The following DYRK4 variants were observed in gnomAD, a reference collection of about 807,000 sequenced individuals.
DYRK4 encodes the protein dual specificity tyrosine-phosphorylation-regulated kinase 4.
A neutral mutation model predicts 68.3 loss-of-function variants in DYRK4; 64 were observed. The ratio of observed to expected loss-of-function variants is 0.94; its 90% confidence interval spans 0.77 to 1.15. The LOEUF is 1.15. Among genes scored for constraint, DYRK4 ranks in the 50% most tolerant of loss-of-function variants. DYRK4 has a pLI of 0.00. For synonymous variants in DYRK4, 274 were observed against 289.9 expected (o/e 0.95, Z 0.56); for missense variants, 740 against 764.7 (o/e 0.97, Z 0.38).
chr12:4,565,808 T>C (rs1038177700), intron 1 of DYRK4, among the ~76,000 whole-genome samples: 4 of 151,982 alleles, frequency 2.6e-5, no homozygotes, highest in Non-Finnish European at 5.9e-5. Flanking sequence ...TTTGTATTTT[T>C]AGTAGAGATG....
At chr12:4,572,591 G>A (rs754733016) in intron 2 of DYRK4, among the ~76,000 whole-genome samples, 3 of 152,174 alleles carry the variant, frequency 2.0e-5, no homozygotes, top group Non-Finnish European at 4.4e-5. Flanking sequence ...CACCGTGCCT[G>A]GCCTATGGAC....
chr12:4,565,936 A>G (rs988706934), intron 1 of DYRK4, among the ~76,000 whole-genome samples: 30 of 152,158 alleles, frequency 2.0e-4, no homozygotes, highest in African/African-American at 6.8e-4. Flanking sequence ...TCCCACATGT[A>G]CTTTCATAGT....
chr12:4,602,070 C>T lies in DYRK4; in HGVS notation c.1126+2282C>T, dbSNP rs549828325. On this transcript the variant is annotated intron_variant, in intron 10 of 14. Coordinates refer to ENST00000543431, the MANE Select transcript of DYRK4 (RefSeq NM_001394779.1). ...AAAGTTATCTGCATGTTGCATCTTTCTCAAGGGTAGTTCTTGAACCACTTT... is the reference window on the plus strand; with the variant it reads ...AAAGTTATCTGCATGTTGCATCTTTTTCAAGGGTAGTTCTTGAACCACTTT... The T allele has an allele frequency of 4.2e-4, 175 of 415,400 alleles. 2 individuals are homozygous for T. In the Admixed American group the frequency reaches 7.1e-3, roughly 17 times the overall value. 25.7% of individuals were successfully genotyped at this position (415,400 alleles called of 1,614,324 possible).
At position 4,613,004 on chromosome 12, in the gene DYRK4, G is replaced by T; in HGVS notation, c.1666+286G>T. The T allele has an allele frequency of 2.8e-6, 1 of 361,908 alleles. No homozygotes were observed. The highest frequency in any genetic ancestry group is 3.3e-5 in the South Asian group (1 of 30,704). 22.4% of individuals were successfully genotyped at this position (361,908 alleles called of 1,614,324 possible). On this transcript the variant is annotated intron_variant, in intron 14 of 14. Coordinates refer to ENST00000543431, the MANE Select transcript of DYRK4 (RefSeq NM_001394779.1). This position sits in a 1 kb window ranked among gnomAD's most constrained non-coding sequence, Gnocchi z 4.0. ...TTCAGGGAAATTTGGCATTAGCCTG[G>T]ATCTTTTTTGCCCCTTATTAGGATT...
rs777871159 is a variant in DYRK4, at chr12:4,593,110, C to G, written c.572C>G (p.Ala191Gly). ...LGLEAKKLDT[A>G]PEKFSKTSFD... ...CTTGAAGCCAAGAAGCTCGACACGG[C>G]TCCTGAGAAATTTAGCAAGACGAGT... Residue 191 changes from alanine to glycine, a missense_variant, in exon 6 of 15, where the codon GCT becomes GGT. Ala to Gly is a moderately conservative substitution (Grantham distance 60). Around this residue, in one of 3 missense-constraint regions of DYRK4, gnomAD observed 614 missense variants for 603.7 expected, o/e 1.02. Transcript: ENST00000543431. 5.0e-6 allele frequency: 8 copies of G among 1,614,142 alleles called. No individual in the cohort carries two copies. The highest frequency in any genetic ancestry group is 5.9e-6 in the Non-Finnish European group (7 of 1,180,036).
intron 1 of DYRK4, chr12:4,564,591 A>G (rs985665119): frequency 6.6e-6 from 1 of 152,252 alleles, no homozygotes; most frequent in Non-Finnish European, 1.5e-5. Context: ...TATGCAGTGC[A>G]GTAAGGCTGG....
At chr12:4,585,993 T>G (rs1318689954) in intron 2 of DYRK4, among the ~76,000 whole-genome samples, 1 of 152,144 alleles carries the variant, frequency 6.6e-6, no homozygotes, top group Non-Finnish European at 1.5e-5. Context: ...GCAGGAGGAT[T>G]GCTTGAGCTC....
At chr12:4,600,285 G>T (rs1456222006) in intron 10 of DYRK4, among the ~76,000 whole-genome samples, 1 of 151,690 alleles carries the variant, frequency 6.6e-6, no homozygotes, top group African/African-American at 2.4e-5. Context: ...GTGTTCTTTC[G>T]GCTTCTATCA....
intron 2 of DYRK4, chr12:4,573,477 A>G: frequency 2.8e-6 from 3 of 1,078,008 alleles, no homozygotes; most frequent in Admixed American, 2.4e-5. Flanking sequence ...GTGAGCAGGA[A>G]TTGGCGGGTG....
intron 10 of DYRK4, among the ~76,000 whole-genome samples, chr12:4,603,961 A>C (rs1031208405): frequency 6.6e-6 from 1 of 152,138 alleles, no homozygotes; most frequent in African/African-American, 2.4e-5. Flanking sequence ...TTGATGCTAG[A>C]ATTAAACTGC....
At chr12:4,594,580 C>T (rs1300788175) in intron 6 of DYRK4, among the ~76,000 whole-genome samples, 2 of 152,176 alleles carry the variant, frequency 1.3e-5, no homozygotes, top group African/African-American at 4.8e-5. Context: ...CAACCCCTCC[C>T]TCCCTGCTCC....
intron 12 of DYRK4, among the ~76,000 whole-genome samples, chr12:4,607,752 A>AAT (rs1403760610): frequency 1.3e-5 from 2 of 152,206 alleles, no homozygotes; most frequent in African/African-American, 4.8e-5. Flanking sequence ...TGTGCAGGGA[A>AAT]ATCAAAGAGC....
chr12:4,607,994 C>T (rs1945173773), intron 12 of DYRK4, among the ~76,000 whole-genome samples: 1 of 152,140 alleles, frequency 6.6e-6, no homozygotes, highest in Admixed American at 6.5e-5. Context: ...TCATAATTCC[C>T]AGAATTCTGG....
intron 12 of DYRK4, 73 bp from the exon 13 acceptor site, chr12:4,610,082 T>G: frequency 7.0e-7 from 1 of 1,422,898 alleles, no homozygotes; most frequent in Non-Finnish European, 9.4e-7. Context: ...CAGAGGCCAC[T>G]CTAAGCAGCA....
chr12:4,585,618 G>T (rs1944888462), intron 2 of DYRK4, among the ~76,000 whole-genome samples: 1 of 152,058 alleles, frequency 6.6e-6, no homozygotes, highest in Non-Finnish European at 1.5e-5. Flanking sequence ...TCACACACCG[G>T]GGACTGTTGT....
At position 4,583,399 on chromosome 12, in the gene DYRK4, C is replaced by A. The variant is rs115101924; in HGVS notation, c.133-5538C>A. Among the ~76,000 whole-genome samples the A allele has an allele frequency of 2.1e-3, 314 of 152,152 alleles. 2 individuals are homozygous for A. Among genetic ancestry groups the A allele is most frequent in the African/African-American group, 6.7e-3 (278 of 41,480 alleles). ...TGACCCAGTCCACGTCCCCATCGTT[C>A]ACCCGCATTTGGGCCTCAGCCATAG... On this transcript the variant is annotated intron_variant, in intron 2 of 14. Transcript: ENST00000543431.
rs746538872 is a variant in DYRK4 at position 4,604,967 on chromosome 12, C to A, written c.1180C>A (p.His394Asn). The change falls in exon 11 of 15, where the codon CAC becomes AAC. Residue 394 changes from histidine to asparagine, a missense_variant. His to Asn is a moderately conservative substitution (Grantham distance 68). This residue lies in a region of DYRK4 where 614 missense variants were observed against 603.7 expected (regional missense o/e 1.02). Coordinates refer to ENST00000543431, the MANE Select transcript of DYRK4 (RefSeq NM_001394779.1). ...FYRSPEVILG[H>N]PYDVAIDMWS... is the part of the protein sequence containing the mutation. ...CCGATCCCCAGAAGTGATCCTGGGCCACCCCTACGACGTGGCCATTGACAT... is the reference window on the plus strand; with the variant it reads ...CCGATCCCCAGAAGTGATCCTGGGCAACCCCTACGACGTGGCCATTGACAT... 1 of 1,613,670 alleles carries A rather than the reference C, an allele frequency of 6.2e-7. No individual in the cohort carries two copies. Among genetic ancestry groups the A allele is most frequent in the East Asian group, 2.2e-5 (1 of 44,828 alleles).
intron 5 of DYRK4, among the ~76,000 whole-genome samples, chr12:4,592,115 T>C (rs1490206590): frequency 2.0e-5 from 3 of 152,186 alleles, no homozygotes; most frequent in Non-Finnish European, 4.4e-5. Context: ...TTGTTGTTCT[T>C]AAACAACTCC....
At chr12:4,600,742 C>T (rs1477220596) in intron 10 of DYRK4, among the ~76,000 whole-genome samples, 3 of 151,912 alleles carry the variant, frequency 2.0e-5, no homozygotes, top group Non-Finnish European at 4.4e-5. Flanking sequence ...ACGCCACCCT[C>T]CCAACACCAC....
Sources: gnomAD v4.1 joint callset for allele counts (sites outside exome capture counted in the v4.1 genomes callset) on GRCh38, gnomAD v4.1.1 for gene constraint, gnomAD v4.1.1 regional missense constraint, Gnocchi (gnomAD v3.1) non-coding constraint, MANE v1.5 for transcripts, NCBI Gene and HGNC (gene_info 2026-07-23, HGNC 2026-07-21) for gene names.